KLF8: variants seen among roughly 807,000 people sequenced by gnomAD.
KLF8 encodes KLF transcription factor 8.
A neutral mutation model predicts 18.2 loss-of-function variants in KLF8; 10 were observed. The observed-to-expected ratio is 0.55, with a 90% CI of 0.34 to 0.93. The LOEUF (loss-of-function observed/expected upper bound fraction) is 0.93. Among genes scored for constraint, KLF8 ranks in the 40% least tolerant of loss-of-function variants. The pLI is 0.02. For missense variants in KLF8, 264 were observed against 277.9 expected (o/e 0.95, Z 0.36); for synonymous variants, 109 against 97.3 (o/e 1.12, Z -0.71).
At chrX:56,203,438 C>A in the KLF8 span, among the ~76,000 whole-genome samples, 43 of 111,791 alleles carry the variant, frequency 3.8e-4, no homozygotes, top group Non-Finnish European at 5.8e-4. Flanking sequence ...CATGTGATCC[C>A]ATTTGTCCAT....
the KLF8 span, among the ~76,000 whole-genome samples, chrX:56,166,942 G>A: frequency 9.0e-6 from 1 of 111,001 alleles, no homozygotes; most frequent in Admixed American, 9.7e-5. Flanking sequence ...TTTCCTGCTT[G>A]CAATCAAGTG....
the KLF8 span, among the ~76,000 whole-genome samples, chrX:56,126,098 A>T: frequency 9.8e-5 from 11 of 111,778 alleles, no homozygotes; most frequent in African/African-American, 3.6e-4. Context: ...TCATCCATTC[A>T]TCTTAACTTG....
chrX:56,037,763 T>C, the KLF8 span, among the ~76,000 whole-genome samples: 58,329 of 109,822 alleles, frequency 0.53, 13,765 homozygotes, highest in East Asian at 0.76. Flanking sequence ...AATAAACACA[T>C]CAAGGAGAAT....
At chrX:56,186,005 G>T in the KLF8 span, among the ~76,000 whole-genome samples, 1 of 112,011 alleles carries the variant, frequency 8.9e-6, no homozygotes, top group African/African-American at 3.2e-5. Context: ...TAATGACAAG[G>T]ATCAAATTCA....
the KLF8 span, among the ~76,000 whole-genome samples, chrX:56,223,126 A>G: frequency 8.8e-6 from 1 of 113,187 alleles, no homozygotes. Context: ...ACTATGGTCC[A>G]TGTTCTTTGA....
At chrX:56,204,659 T>C in the KLF8 span, among the ~76,000 whole-genome samples, 293 of 111,562 alleles carry the variant, frequency 2.6e-3, 1 homozygote, top group African/African-American at 9.2e-3. Context: ...TATTAAATGC[T>C]TTTTCAGCAT....
the KLF8 span, among the ~76,000 whole-genome samples, chrX:56,154,941 A>G: frequency 8.9e-6 from 1 of 112,206 alleles, no homozygotes; most frequent in East Asian, 2.8e-4. Flanking sequence ...TGATCATTAA[A>G]AAGTCAGGAA....
At chrX:56,010,128 A>G in the KLF8 span, among the ~76,000 whole-genome samples, 2 of 111,355 alleles carry the variant, frequency 1.8e-5, no homozygotes, top group African/African-American at 6.5e-5. Context: ...AAGATATTCC[A>G]TGAGAAGATC....
the KLF8 span, among the ~76,000 whole-genome samples, chrX:55,985,415 G>T: frequency 9.0e-6 from 1 of 111,621 alleles, no homozygotes; most frequent in Non-Finnish European, 1.9e-5. Flanking sequence ...TGTCAGGTTT[G>T]TCAAAGATCA....
At chrX:56,234,876 C>A (rs1378494999) in intron 1 of KLF8, among the ~76,000 whole-genome samples, 1 of 111,734 alleles carries the variant, frequency 8.9e-6, no homozygotes. Context: ...GGCAGACAGG[C>A]AGAAAACATA....
intron 2 of KLF8, among the ~76,000 whole-genome samples, chrX:56,261,140 G>A (rs1267787897): frequency 9.0e-6 from 1 of 111,459 alleles, no homozygotes. Context: ...AACCGAAAGG[G>A]TCTCATCTTT....
At chrX:55,963,670 AGT>A in the KLF8 span, among the ~76,000 whole-genome samples, 1 of 112,404 alleles carries the variant, frequency 8.9e-6, no homozygotes, top group East Asian at 2.8e-4. Context: ...ACACAATTAT[AGT>A]GAAAGGCTTC....
At chrX:56,277,459 A>G (rs764179796) in intron 5 of KLF8, among the ~76,000 whole-genome samples, 12 of 111,897 alleles carry the variant, frequency 1.1e-4, no homozygotes, top group African/African-American at 3.9e-4. Context: ...TTTCTGGATT[A>G]CCAAGCAGAA....
At chrX:56,130,879 T>C in the KLF8 span, among the ~76,000 whole-genome samples, 1 of 111,396 alleles carries the variant, frequency 9.0e-6, no homozygotes, top group South Asian at 3.7e-4. Context: ...GTCTCACCAA[T>C]AGAATTGAAC....
chrX:56,266,081 C>A (rs967541014), intron 3 of KLF8: 3 of 792,627 alleles, frequency 3.8e-6, no homozygotes, highest in Non-Finnish European at 4.5e-6. Flanking sequence ...ATTTAAAAAC[C>A]TGTTAAGATA....
At chrX:56,154,763 AAAC>A in the KLF8 span, among the ~76,000 whole-genome samples, 2 of 111,903 alleles carry the variant, frequency 1.8e-5, no homozygotes, top group Non-Finnish European at 3.8e-5. Flanking sequence ...TACAAGACAA[AAAC>A]AAACAACCCC....
intron 5 of KLF8, among the ~76,000 whole-genome samples, chrX:56,282,841 C>G (rs187844066): frequency 9.1e-4 from 102 of 111,845 alleles, no homozygotes; most frequent in African/African-American, 3.3e-3. Context: ...CCAGACTTAT[C>G]CACAGTTAAT....
At chrX:56,080,415 T>G in the KLF8 span, among the ~76,000 whole-genome samples, 1 of 111,305 alleles carries the variant, frequency 9.0e-6, no homozygotes, top group African/African-American at 3.3e-5. Flanking sequence ...TGAAGCTTAG[T>G]TTGGCTGGAT....
chrX:56,095,592 C>G, the KLF8 span, among the ~76,000 whole-genome samples: 1 of 110,693 alleles, frequency 9.0e-6, no homozygotes, highest in Non-Finnish European at 1.9e-5. Context: ...ACAAGGAACT[C>G]AAACAAGACA....
Sources: allele counts gnomAD v4.1 joint callset (sites outside exome capture counted in the v4.1 genomes callset), GRCh38; gene constraint gnomAD v4.1.1; transcripts MANE v1.5; gene names NCBI Gene and HGNC (gene_info 2026-07-23, HGNC 2026-07-21).